The following XKR9 variants were observed in gnomAD, a reference collection of about 807,000 sequenced individuals.
XKR9 encodes the protein XK-related protein 9.
XKR9 carries 32 observed loss-of-function variants against 32.0 expected under a neutral mutation model. The observed-to-expected ratio is 1.00, with a 90% confidence interval of 0.76 to 1.34. XKR9 has a LOEUF of 1.34. Among genes scored for constraint, XKR9 ranks in the 40% most tolerant of loss-of-function variants. The pLI is 0.00. For missense variants in XKR9, 546 were observed against 429.7 expected, an observed-to-expected ratio of 1.27 and a Z score of -2.39; for synonymous variants, 168 against 143.4, an observed-to-expected ratio of 1.17 and a Z score of -1.22.
At chr8:70,856,672 TC>T in the XKR9 span, among the ~76,000 whole-genome samples, 1 of 152,166 alleles carries the variant, frequency 6.6e-6, no homozygotes, top group Admixed American at 6.5e-5. Flanking sequence ...GAATATACAT[TC>T]TTTTCAGCAC....
chr8:71,005,949 G>A, the XKR9 span, among the ~76,000 whole-genome samples: 1 of 152,222 alleles, frequency 6.6e-6, no homozygotes, highest in Admixed American at 6.5e-5. Context: ...GTTCATAAGA[G>A]GGACTTTCTA....
chr8:71,057,073 CAA>C, the XKR9 span, among the ~76,000 whole-genome samples: 1 of 152,054 alleles, frequency 6.6e-6, no homozygotes, highest in African/African-American at 2.4e-5. Context: ...ATTATTGAAC[CAA>C]AATTGTTCTG....
At chr8:70,817,703 C>G in the XKR9 span, among the ~76,000 whole-genome samples, 1 of 152,110 alleles carries the variant, frequency 6.6e-6, no homozygotes, top group East Asian at 1.9e-4. Context: ...CTGGAGGTAT[C>G]ACATTACCAG....
At chr8:70,699,326 G>T (rs1301918181) in intron 3 of XKR9, among the ~76,000 whole-genome samples, 2 of 152,246 alleles carry the variant, frequency 1.3e-5, no homozygotes, top group African/African-American at 4.8e-5. Flanking sequence ...GGTACCGGTT[G>T]TTCCTTTCCA....
At chr8:70,834,632 A>C in the XKR9 span, among the ~76,000 whole-genome samples, 1 of 152,118 alleles carries the variant, frequency 6.6e-6, no homozygotes, top group South Asian at 2.1e-4. Context: ...TAGTTTGGTC[A>C]CCTGGTATTT....
At chr8:70,780,572 C>A (rs1807601208) in intron 2 of XKR9, among the ~76,000 whole-genome samples, 1 of 152,074 alleles carries the variant, frequency 6.6e-6, no homozygotes, top group Non-Finnish European at 1.5e-5. Flanking sequence ...TTTCCAAAAA[C>A]CCCTAGAAGC....
At chr8:70,709,795 C>T (rs917583163) in intron 4 of XKR9, among the ~76,000 whole-genome samples, 15 of 152,062 alleles carry the variant, frequency 9.9e-5, no homozygotes, top group South Asian at 2.1e-4. Context: ...TAAAAGAAAT[C>T]GGTGGTGACA....
At chr8:70,908,499 T>C in the XKR9 span, among the ~76,000 whole-genome samples, 2 of 152,170 alleles carry the variant, frequency 1.3e-5, no homozygotes, top group Non-Finnish European at 2.9e-5. Context: ...TGCAGTTGAT[T>C]CCAATGTGTA....
intron 2 of XKR9, among the ~76,000 whole-genome samples, chr8:70,768,609 C>T (rs1248288300): frequency 6.6e-6 from 1 of 152,068 alleles, no homozygotes; most frequent in Admixed American, 6.5e-5. Context: ...CTGGGTATTC[C>T]TGTATTGGGC....
the XKR9 span, among the ~76,000 whole-genome samples, chr8:71,058,063 CCCAACTA>C: frequency 6.6e-6 from 1 of 152,044 alleles, no homozygotes; most frequent in Non-Finnish European, 1.5e-5. Context: ...CGCCTGTAGT[CCCAACTA>C]CTCGAGAGGC....
intron 4 of XKR9, among the ~76,000 whole-genome samples, chr8:70,713,034 A>G (rs1413227457): frequency 6.6e-6 from 1 of 152,196 alleles, no homozygotes; most frequent in Non-Finnish European, 1.5e-5. Flanking sequence ...CAAGTATCCT[A>G]TTATGTTTAA....
chr8:70,734,745 T>C lies in XKR9; in HGVS notation c.*321T>C, dbSNP rs2290702. The C allele has an allele frequency of 0.34, 64,201 of 187,534 alleles. 12,381 individuals are homozygous for C. The highest frequency in any genetic ancestry group is 0.43 in the Non-Finnish European group (40,289 of 92,652). 11.6% of individuals were successfully genotyped at this position (187,534 alleles called of 1,614,324 possible). ...ATTTTCCTTGTTCCTGAACTAATAC[T>C]ACTGTACCTGTTATGGAGGACTGCA... On this transcript the variant is annotated 3_prime_UTR_variant, in exon 5 of 5. Transcript: ENST00000408926.
the XKR9 span, among the ~76,000 whole-genome samples, chr8:71,028,428 G>A: frequency 1.3e-5 from 2 of 152,138 alleles, no homozygotes; most frequent in Non-Finnish European, 2.9e-5. Context: ...ATCTAAAAAA[G>A]TTAAACTCAT....
the XKR9 span, among the ~76,000 whole-genome samples, chr8:70,864,948 T>C: frequency 2.0e-5 from 3 of 152,190 alleles, no homozygotes; most frequent in Non-Finnish European, 2.9e-5. Context: ...TCAACTCTTT[T>C]GAAAGTGGCC....
the XKR9 span, among the ~76,000 whole-genome samples, chr8:71,059,312 A>T: frequency 6.6e-6 from 1 of 152,200 alleles, no homozygotes; most frequent in Non-Finnish European, 1.5e-5. Context: ...ACCACTAACA[A>T]GGTGATTTCT....
intron 2 of XKR9, among the ~76,000 whole-genome samples, chr8:70,752,507 T>C (rs1435090206): frequency 6.6e-6 from 1 of 152,146 alleles, no homozygotes; most frequent in Non-Finnish European, 1.5e-5. Context: ...TCCACTCTCA[T>C]GATAAATAAT....
the XKR9 span, among the ~76,000 whole-genome samples, chr8:70,995,823 G>A: frequency 2.2e-4 from 33 of 151,956 alleles, no homozygotes; most frequent in African/African-American, 7.2e-4. Context: ...TCTTTCTGTC[G>A]GAAATTCTTT....
intron 2 of XKR9, among the ~76,000 whole-genome samples, chr8:70,764,789 T>A (rs567042983): frequency 1.3e-5 from 2 of 152,274 alleles, no homozygotes; most frequent in South Asian, 2.1e-4. Context: ...CCTCTCCGTG[T>A]GTCCATGTGT....
At chr8:70,803,351 G>A in the XKR9 span, among the ~76,000 whole-genome samples, 2 of 152,012 alleles carry the variant, frequency 1.3e-5, no homozygotes, top group East Asian at 1.9e-4. Flanking sequence ...TCATTTTATT[G>A]TATTTCTTAG....
Sources: gnomAD v4.1 joint callset for allele counts (sites outside exome capture counted in the v4.1 genomes callset) on GRCh38, gnomAD v4.1.1 for gene constraint, MANE v1.5 for transcripts, NCBI Gene and HGNC (gene_info 2026-07-23, HGNC 2026-07-21) for gene names.